The following PDE4D variants were observed in gnomAD, a reference collection of about 807,000 sequenced individuals.
PDE4D encodes the protein 3',5'-cyclic-AMP phosphodiesterase 4D.
A neutral mutation model predicts 87.4 loss-of-function variants in PDE4D; 24 were observed. That is an observed-to-expected ratio of 0.27 (90% confidence interval 0.20 to 0.39). The LOEUF is 0.39. Ranked by LOEUF, PDE4D falls within the 10% of genes least tolerant of loss-of-function variation. The pLI is 1.00. For missense variants in PDE4D, 714 were observed against 1,041.0 expected (o/e 0.69, Z 4.32); for synonymous variants, 384 against 383.2 (o/e 1.00, Z -0.02).
rs1206540085 is a variant in PDE4D at position 59,272,488 on chromosome 5, C to G, written c.456-56520G>C. 2.0e-5 allele frequency among the ~76,000 whole-genome samples: 3 copies of G among 151,976 alleles called. No homozygotes were observed. The East Asian group carries it at 5.8e-4, about 29-fold the overall frequency. ...CTGCTAATTTTATTAGCTTTATGAG[C>G]ATAAGAAAATATATAAAGTTTTTCT... On this transcript the variant is annotated intron_variant, in intron 1 of 14. Transcript: ENST00000340635.
intron 2 of PDE4D, among the ~76,000 whole-genome samples, chr5:60,096,316 T>G (rs1379728304): frequency 6.6e-6 from 1 of 152,080 alleles, no homozygotes; most frequent in African/African-American, 2.4e-5. Context: ...AGGGAAAGGA[T>G]TCCCTATTTA....
At chr5:59,011,370 C>T (rs1191469315) in intron 6 of PDE4D, among the ~76,000 whole-genome samples, 1 of 152,080 alleles carries the variant, frequency 6.6e-6, no homozygotes, top group East Asian at 1.9e-4. Flanking sequence ...GATGTTCAAA[C>T]CCATCGCAAA....
intron 1 of PDE4D, among the ~76,000 whole-genome samples, chr5:59,320,426 A>T (rs1347289335): frequency 6.6e-6 from 1 of 152,098 alleles, no homozygotes; most frequent in Non-Finnish European, 1.5e-5. Context: ...GTATTTTCAT[A>T]GGTATAAGTT....
At chr5:60,458,827 A>C (rs1746694013) in intron 1 of PDE4D, among the ~76,000 whole-genome samples, 1 of 152,162 alleles carries the variant, frequency 6.6e-6, no homozygotes, top group African/African-American at 2.4e-5. Flanking sequence ...GAAAACCAAA[A>C]ATGTAACAAG....
At chr5:59,382,611 C>A (rs1180148865) in intron 1 of PDE4D, among the ~76,000 whole-genome samples, 1 of 152,072 alleles carries the variant, frequency 6.6e-6, no homozygotes, top group Non-Finnish European at 1.5e-5. Context: ...TTCTCATAGT[C>A]CATAGGGTCA....
At position 59,236,709 on chromosome 5, in the gene PDE4D, T is replaced by C. The variant is rs116007060; in HGVS notation, c.456-20741A>G. ...TTCCTTGGTGGTGTCCCTGCCCACA[T>C]GCCCAGCTCTTCAACACCACTTTCT... On this transcript the variant is annotated intron_variant, in intron 1 of 14. Transcript: ENST00000340635. 8.9e-4 allele frequency among the ~76,000 whole-genome samples: 136 copies of C among 152,166 alleles called. No homozygotes were observed. The Middle Eastern group carries it at 0.02, about 23-fold the overall frequency.
intron 1 of PDE4D, among the ~76,000 whole-genome samples, chr5:60,415,750 C>T (rs6875189): frequency 6.6e-6 from 1 of 152,188 alleles, no homozygotes. Context: ...AGCGCTGCCC[C>T]CTGCTCCAGG....
chr5:60,034,441 C>A (rs1012570481), intron 2 of PDE4D, among the ~76,000 whole-genome samples: 1 of 152,096 alleles, frequency 6.6e-6, no homozygotes, highest in African/African-American at 2.4e-5. Context: ...CCTTGGCTTG[C>A]GGCTTCACAC....
chr5:59,462,903 T>TA (rs200024265), intron 1 of PDE4D, among the ~76,000 whole-genome samples: 11,093 of 146,210 alleles, frequency 0.076, 1,197 homozygotes, highest in African/African-American at 0.24. Flanking sequence ...AAGTTAATTG[T>TA]AAAAAAAAAA....
chr5:59,356,247 T>C lies in PDE4D; in HGVS notation c.456-140279A>G, dbSNP rs555604602. Among the ~76,000 whole-genome samples, 8 of 152,344 alleles carry C rather than the reference T, an allele frequency of 5.3e-5. No homozygotes were observed. In the South Asian group the frequency reaches 1.7e-3, roughly 32 times the overall value. On this transcript the variant is annotated intron_variant, in intron 1 of 14. Coordinates refer to ENST00000340635, the MANE Select transcript of PDE4D (RefSeq NM_001104631.2). ...AGTCATGAGGTCAAGATTTTTAATA[T>C]GACTTCCAGAAACAAAAGATTATTA...
At chr5:59,369,476 C>G (rs1783608098) in intron 1 of PDE4D, among the ~76,000 whole-genome samples, 1 of 152,050 alleles carries the variant, frequency 6.6e-6, no homozygotes, top group South Asian at 2.1e-4. Context: ...GAAGGCGATT[C>G]TAGGAAATCA....
rs1379619483 is a variant in PDE4D at position 59,102,148 on chromosome 5, A to G, written c.809-63177T>C. Among the ~76,000 whole-genome samples, 10 of 125,948 alleles carry G rather than the reference A, an allele frequency of 7.9e-5. No individual in the cohort carries two copies. In the East Asian group the frequency reaches 2.1e-3, roughly 26 times the overall value. 82.6% of individuals were successfully genotyped at this position (125,948 alleles called of 152,430 possible). ...GTTGCCCAGGCTGGAGTGCAATGGT[A>G]TGATCTCGGCTTACCACAACCTCCG... On this transcript the variant is annotated intron_variant, in intron 5 of 14. Coordinates refer to ENST00000340635, the MANE Select transcript of PDE4D (RefSeq NM_001104631.2).
At chr5:60,216,153 T>A (rs1743829392) in intron 1 of PDE4D, among the ~76,000 whole-genome samples, 1 of 152,054 alleles carries the variant, frequency 6.6e-6, no homozygotes, top group Admixed American at 6.6e-5. Flanking sequence ...TTCTGATGGA[T>A]GTAATATAGG....
intron 1 of PDE4D, among the ~76,000 whole-genome samples, chr5:59,493,836 T>C (rs1259436206): frequency 1.3e-5 from 2 of 152,204 alleles, no homozygotes; most frequent in Non-Finnish European, 2.9e-5. Context: ...GTTCGATTCA[T>C]GAAGCTATAC....
chr5:59,032,661 T>C (rs755531563), intron 6 of PDE4D, among the ~76,000 whole-genome samples: 4 of 152,258 alleles, frequency 2.6e-5, no homozygotes, highest in Non-Finnish European at 4.4e-5. Context: ...CTAAGAAATA[T>C]TATGTTTTTA....
At chr5:60,333,009 T>A (rs531052191) in intron 1 of PDE4D, among the ~76,000 whole-genome samples, 32 of 152,254 alleles carry the variant, frequency 2.1e-4, no homozygotes, top group Non-Finnish European at 4.1e-4. Context: ...CAAGGCTGGC[T>A]CTAAGGCAGA....
At chr5:59,261,990 T>C (rs1000562284) in intron 1 of PDE4D, among the ~76,000 whole-genome samples, 6 of 151,828 alleles carry the variant, frequency 4.0e-5, no homozygotes, top group Non-Finnish European at 8.8e-5. Context: ...CAAATTCAAG[T>C]AGGGAGGTTT....
intron 1 of PDE4D, among the ~76,000 whole-genome samples, chr5:59,388,831 T>C (rs1164416234): frequency 6.6e-6 from 1 of 152,098 alleles, no homozygotes; most frequent in Non-Finnish European, 1.5e-5. Flanking sequence ...CTATAAGTTT[T>C]AAGATTTAGC....
intron 1 of PDE4D, among the ~76,000 whole-genome samples, chr5:60,222,468 A>T (rs974383791): frequency 2.0e-5 from 3 of 152,186 alleles, no homozygotes; most frequent in Non-Finnish European, 4.4e-5. Flanking sequence ...ATAAGCCATT[A>T]ACATTGTGCT....
Sources: gnomAD v4.1 joint callset for allele counts (sites outside exome capture counted in the v4.1 genomes callset) on GRCh38, gnomAD v4.1.1 for gene constraint, MANE v1.5 for transcripts, NCBI Gene and HGNC (gene_info 2026-07-23, HGNC 2026-07-21) for gene names.